KDM4C: variants seen among roughly 807,000 people sequenced by gnomAD.
The protein encoded by KDM4C is lysine-specific demethylase 4C.
Under a neutral mutation model 129.3 loss-of-function variants are expected in KDM4C, and 81 were observed. That is an observed-to-expected ratio of 0.63 (90% confidence interval 0.52 to 0.75). The LOEUF (loss-of-function observed/expected upper bound fraction) is 0.75, where lower values mean the gene tolerates loss of function less well. Among genes scored for constraint, KDM4C ranks in the 30% least tolerant of loss-of-function variants. KDM4C has a pLI of 0.00. For missense variants in KDM4C, 1,457 were observed against 1,304.0 expected, an observed-to-expected ratio of 1.12 and a Z score of -1.81; for synonymous variants, 573 against 456.1, an observed-to-expected ratio of 1.26 and a Z score of -3.26.
chr9:7,152,383 C>G (rs1408052140), intron 19 of KDM4C, among the ~76,000 whole-genome samples: 1 of 152,142 alleles, frequency 6.6e-6, no homozygotes, highest in Non-Finnish European at 1.5e-5. Context: ...TAATTAATAG[C>G]TAACAAAATG....
chr9:6,987,696 A>G lies in KDM4C; in HGVS notation c.1677+1030A>G, dbSNP rs1410615816. Among the ~76,000 whole-genome samples the G allele has an allele frequency of 5.3e-5, 8 of 152,290 alleles. No individual in the cohort carries two copies. The East Asian group carries it at 1.5e-3, about 29-fold the overall frequency. ...AGTCTTAAAATGTTAATTAAAATATACTTTTCTGATTTGACCCAATAGTGT... is the reference window on the plus strand; with the variant it reads ...AGTCTTAAAATGTTAATTAAAATATGCTTTTCTGATTTGACCCAATAGTGT... On this transcript the variant is annotated intron_variant, in intron 11 of 21. Coordinates refer to ENST00000381309, the MANE Select transcript of KDM4C (RefSeq NM_015061.6).
intron 15 of KDM4C, among the ~76,000 whole-genome samples, chr9:7,040,178 C>T (rs1828317464): frequency 6.6e-6 from 1 of 152,014 alleles, no homozygotes; most frequent in Non-Finnish European, 1.5e-5. Flanking sequence ...TAGCACTTCC[C>T]TTTGATTTGT....
chr9:6,906,311 C>T (rs145906173), intron 8 of KDM4C, among the ~76,000 whole-genome samples: 27 of 152,236 alleles, frequency 1.8e-4, no homozygotes, highest in Admixed American at 9.2e-4. Flanking sequence ...TGGTACTTCT[C>T]GTTTGTGGAA....
chr9:6,870,862 G>A (rs1842737561), intron 5 of KDM4C, among the ~76,000 whole-genome samples: 1 of 152,080 alleles, frequency 6.6e-6, no homozygotes, highest in Non-Finnish European at 1.5e-5. Flanking sequence ...CTTGTTTTAG[G>A]ACTGACCTGC....
intron 17 of KDM4C, among the ~76,000 whole-genome samples, chr9:7,068,893 C>T (rs779358432): frequency 2.6e-5 from 4 of 151,840 alleles, no homozygotes; most frequent in Non-Finnish European, 5.9e-5. Flanking sequence ...GACGGAGTTT[C>T]ATCGTGTTGG....
intron 1 of KDM4C, among the ~76,000 whole-genome samples, chr9:6,735,649 C>T (rs1292937169): frequency 1.3e-5 from 2 of 152,204 alleles, no homozygotes; most frequent in Non-Finnish European, 2.9e-5. Context: ...TTGCCTTCTG[C>T]CAAGACTGTG....
intron 7 of KDM4C, among the ~76,000 whole-genome samples, chr9:6,888,625 G>A (rs1490937362): frequency 6.6e-6 from 1 of 152,092 alleles, no homozygotes; most frequent in Non-Finnish European, 1.5e-5. Context: ...GTGGTTATTG[G>A]GTCAGAATTA....
chr9:6,807,794 G>C (rs1295230883), intron 3 of KDM4C, among the ~76,000 whole-genome samples: 5 of 148,586 alleles, frequency 3.4e-5, no homozygotes, highest in Non-Finnish European at 6.0e-5. Flanking sequence ...GGGAGGTGGG[G>C]GGGGGGTCAG....
chr9:6,885,208 A>G (rs1034930928), intron 6 of KDM4C, among the ~76,000 whole-genome samples: 2 of 152,288 alleles, frequency 1.3e-5, no homozygotes, highest in African/African-American at 4.8e-5. Context: ...GTCACCCACT[A>G]ATCTGGTTTC....
At position 7,013,824 on chromosome 9, in the gene KDM4C, G is replaced by A. The variant is rs148014636; in HGVS notation, c.2005G>A (p.Glu669Lys). 1.3e-4 allele frequency: 214 copies of A among 1,613,858 alleles called. No homozygotes were observed. The highest frequency in any genetic ancestry group is 1.6e-4 in the Middle Eastern group (1 of 6,084). The change falls in exon 14 of 22, where the codon GAG (glutamate) becomes AAG (lysine). Residue 669 changes from glutamate (E) to lysine (K), a missense_variant. Coordinates refer to ENST00000381309, the MANE Select transcript of KDM4C (RefSeq NM_015061.6). Reference sequence around the variant, plus strand: ...CAATGAAGAAAATGATGCTAGATGGGAGACAAAATTAGATGAAGTCGTTAC... The same window carrying A: ...CAATGAAGAAAATGATGCTAGATGGAAGACAAAATTAGATGAAGTCGTTAC... ...SSNEENDARW[E>K]TKLDEVVTSE...
intron 15 of KDM4C, among the ~76,000 whole-genome samples, chr9:7,039,215 A>G (rs966530472): frequency 2.2e-4 from 34 of 152,010 alleles, no homozygotes; most frequent in African/African-American, 8.2e-4. Context: ...GACATAACAC[A>G]TAAACACACA....
At chr9:7,159,424 C>G (rs1395401974) in intron 19 of KDM4C, among the ~76,000 whole-genome samples, 1 of 152,172 alleles carries the variant, frequency 6.6e-6, no homozygotes, top group South Asian at 2.1e-4. Context: ...TTCTTCATAG[C>G]ATTGGTGGTC....
chr9:6,773,702 C>T lies in KDM4C; in HGVS notation c.-18+15499C>T, dbSNP rs149269247. On this transcript the variant is annotated intron_variant, in intron 1 of 21. Coordinates refer to ENST00000381309, the MANE Select transcript of KDM4C (RefSeq NM_015061.6). ...AGGAGAATTGCTTGAACCCAGGAGA[C>T]GGAGGTTGCAGTGAGTCAAGATCGC... is the stretch of plus-strand genomic sequence containing the variant. Among the ~76,000 whole-genome samples the T allele has an allele frequency of 3.6e-3, 544 of 150,588 alleles. 7 individuals are homozygous for T. Among genetic ancestry groups the T allele is most frequent in the African/African-American group, 0.013 (512 of 40,900 alleles).
At chr9:6,994,482 T>C (rs2131961119) in intron 12 of KDM4C, among the ~76,000 whole-genome samples, 1 of 152,344 alleles carries the variant, frequency 6.6e-6, no homozygotes, top group South Asian at 2.1e-4. Context: ...ACTGATCACC[T>C]TACACTGTGG....
At chr9:7,106,771 A>G (rs1179727604) in intron 18 of KDM4C, among the ~76,000 whole-genome samples, 1 of 152,194 alleles carries the variant, frequency 6.6e-6, no homozygotes, top group Non-Finnish European at 1.5e-5. Flanking sequence ...CCGGAGTTGT[A>G]GGTGTGATCC....
chr9:6,938,260 A>G (rs1250833055), intron 8 of KDM4C, among the ~76,000 whole-genome samples: 4 of 152,126 alleles, frequency 2.6e-5, no homozygotes, highest in East Asian at 3.8e-4. Context: ...GTTATGTGCA[A>G]TATGTATTTG....
intron 15 of KDM4C, among the ~76,000 whole-genome samples, chr9:7,046,539 T>G (rs1564035739): frequency 6.6e-6 from 1 of 151,990 alleles, no homozygotes; most frequent in Non-Finnish European, 1.5e-5. Flanking sequence ...ATACTAGGTG[T>G]GTGGACTAGG....
chr9:7,091,321 GAAAAAA>G (rs60196704), intron 17 of KDM4C, among the ~76,000 whole-genome samples: 1 of 149,746 alleles, frequency 6.7e-6, no homozygotes, highest in Non-Finnish European at 1.5e-5. Context: ...GGCAATAAAA[GAAAAAA>G]AAAAAGATTT....
Position 6,912,275 on chromosome 9 carries a change from C to T in KDM4C, c.921+19043C>T, listed in dbSNP as rs557825976. On this transcript the variant is annotated intron_variant, in intron 8 of 21. Coordinates refer to ENST00000381309, the MANE Select transcript of KDM4C (RefSeq NM_015061.6). ...CCCCAGACTAACGAATACTTGATAC[C>T]ATGCAGCTCAGCTTTGCTGTCACTT... Among the ~76,000 whole-genome samples the T allele has an allele frequency of 5.3e-5, 8 of 152,288 alleles. No individual in the cohort carries two copies. In the South Asian group the frequency reaches 1.2e-3, roughly 24 times the overall value.
Sources: gnomAD v4.1 joint callset for allele counts (sites outside exome capture counted in the v4.1 genomes callset) on GRCh38, gnomAD v4.1.1 for gene constraint, MANE v1.5 for transcripts, NCBI Gene and HGNC (gene_info 2026-07-23, HGNC 2026-07-21) for gene names.